HHAT: variants seen among roughly 807,000 people sequenced by gnomAD.
HHAT encodes the protein protein-cysteine N-palmitoyltransferase HHAT.
Under a neutral mutation model 70.8 loss-of-function variants are expected in HHAT, and 47 were observed. That is an observed-to-expected ratio of 0.66 (90% CI 0.53 to 0.85). HHAT has a LOEUF of 0.85. Among genes scored for constraint, HHAT ranks in the 40% least tolerant of loss-of-function variants. The pLI is 0.00. For synonymous variants in HHAT, 228 were observed against 247.6 expected, an observed-to-expected ratio of 0.92 and a Z score of 0.74; for missense variants, 609 against 604.8, an observed-to-expected ratio of 1.01 and a Z score of -0.07.
chr1:210,587,802 T>C, intron 9 of HHAT, 96 bp from the exon 10 acceptor site: 1 of 872,118 alleles, frequency 1.1e-6, no homozygotes, highest in Middle Eastern at 2.4e-4. Context: ...TCTGCATATG[T>C]GAACAGCAGT....
At chr1:210,431,334 G>C (rs2093236202) in intron 7 of HHAT, among the ~76,000 whole-genome samples, 1 of 151,738 alleles carries the variant, frequency 6.6e-6, no homozygotes, top group Admixed American at 6.6e-5. Context: ...GAAAAGCAAA[G>C]CCTAGGTCTT....
intron 7 of HHAT, among the ~76,000 whole-genome samples, chr1:210,424,921 C>T (rs1303481871): frequency 6.6e-6 from 1 of 152,118 alleles, no homozygotes; most frequent in East Asian, 1.9e-4. Flanking sequence ...CAGGAATTGC[C>T]ACACTGTCTT....
intron 9 of HHAT, among the ~76,000 whole-genome samples, chr1:210,543,350 CTT>C (rs74605164): frequency 7.5e-5 from 11 of 146,844 alleles, no homozygotes; most frequent in Admixed American, 3.4e-4. Flanking sequence ...GGGTGTTTTT[CTT>C]TTTTTTTTTC....
At chr1:210,607,211 A>G (rs572294839) in intron 10 of HHAT, among the ~76,000 whole-genome samples, 1 of 152,040 alleles carries the variant, frequency 6.6e-6, no homozygotes, top group East Asian at 1.9e-4. Context: ...TTTAGCATCT[A>G]GTATTTGGGT....
intron 8 of HHAT, among the ~76,000 whole-genome samples, chr1:210,472,672 T>C (rs1260281498): frequency 1.3e-5 from 2 of 152,188 alleles, no homozygotes; most frequent in African/African-American, 4.8e-5. Context: ...GAGCCAAATA[T>C]GAATGACCAA....
intron 8 of HHAT, among the ~76,000 whole-genome samples, chr1:210,466,974 A>C (rs1393643560): frequency 6.6e-6 from 1 of 152,210 alleles, no homozygotes; most frequent in African/African-American, 2.4e-5. Context: ...CTGAGGAGGA[A>C]GCTCTGGGGT....
intron 6 of HHAT, among the ~76,000 whole-genome samples, chr1:210,417,025 A>C (rs2092742221): frequency 6.6e-6 from 1 of 152,218 alleles, no homozygotes; most frequent in Non-Finnish European, 1.5e-5. Flanking sequence ...TTTTTAAAGA[A>C]GAAAATTCCT....
intron 2 of HHAT, among the ~76,000 whole-genome samples, chr1:210,362,354 C>G (rs1442675555): frequency 6.6e-6 from 1 of 151,844 alleles, no homozygotes; most frequent in Non-Finnish European, 1.5e-5. Context: ...AAGCAATTCT[C>G]CTGCCTCATT....
At chr1:210,434,642 C>T (rs527714313) in intron 7 of HHAT, among the ~76,000 whole-genome samples, 2 of 151,810 alleles carry the variant, frequency 1.3e-5, no homozygotes, top group African/African-American at 4.9e-5. Flanking sequence ...GGAGTGTCCA[C>T]ATCTCCTGGA....
chr1:210,584,738 C>T (rs1200198851), intron 9 of HHAT, among the ~76,000 whole-genome samples: 1 of 152,214 alleles, frequency 6.6e-6, no homozygotes, highest in Non-Finnish European at 1.5e-5. Context: ...ACTGTCTTCA[C>T]TCACACCCTT....
intron 8 of HHAT, among the ~76,000 whole-genome samples, chr1:210,476,629 C>A (rs1404299721): frequency 2.0e-5 from 3 of 152,174 alleles, no homozygotes; most frequent in Non-Finnish European, 4.4e-5. Context: ...TAATATCAGG[C>A]AAAATACCAC....
At chr1:210,374,743 G>A (rs11119476) in intron 3 of HHAT, among the ~76,000 whole-genome samples, 1 of 151,166 alleles carries the variant, frequency 6.6e-6, no homozygotes, top group Non-Finnish European at 1.5e-5. Context: ...TACCTCTACC[G>A]AGCTTCCCCA....
chr1:210,647,700 T>C (rs1001761432), intron 11 of HHAT, among the ~76,000 whole-genome samples: 4 of 152,196 alleles, frequency 2.6e-5, no homozygotes, highest in African/African-American at 9.7e-5. Flanking sequence ...AAGCCGAGGG[T>C]AAATGTGAAA....
At chr1:210,348,729 A>ATGTTTGCG (rs1553317670) in intron 1 of HHAT, among the ~76,000 whole-genome samples, 1 of 72,264 alleles carries the variant, frequency 1.4e-5, no homozygotes. Flanking sequence ...TGTGTGGTGT[A>ATGTTTGCG]TGTGTGCGTG....
intron 7 of HHAT, among the ~76,000 whole-genome samples, chr1:210,427,507 T>C (rs1248784621): frequency 1.3e-5 from 2 of 152,208 alleles, no homozygotes. Context: ...GTTGTATTTT[T>C]ATTCTGGTTA....
At chr1:210,393,054 A>T (rs2148166209) in intron 4 of HHAT, among the ~76,000 whole-genome samples, 1 of 152,218 alleles carries the variant, frequency 6.6e-6, no homozygotes, top group South Asian at 2.1e-4. Flanking sequence ...CAATCCCTGC[A>T]TTGGCCACTC....
In HHAT at chr1:210,428,286, CTATATATATA is replaced by C. The variant is rs66516721; in HGVS notation, c.856+10012_856+10021del. Reference sequence around the variant, plus strand: ...ATGTTTTCCCCCAAATGAGCTTATACTATATATATATATATATATATATATATATATATAT... The same window carrying C: ...ATGTTTTCCCCCAAATGAGCTTATACTATATATATATATATATATATATAT... On this transcript the variant is annotated intron_variant, in intron 7 of 11. Coordinates refer to ENST00000261458, the MANE Select transcript of HHAT (RefSeq NM_018194.6). 2.5e-3 allele frequency among the ~76,000 whole-genome samples: 250 copies of C among 101,190 alleles called. 1 individual carries two copies. Among genetic ancestry groups the C allele is most frequent in the Middle Eastern group, 5.6e-3 (1 of 178 alleles). 66.4% of individuals were successfully genotyped at this position (101,190 alleles called of 152,430 possible).
intron 11 of HHAT, among the ~76,000 whole-genome samples, chr1:210,628,124 A>G (rs2148884373): frequency 6.6e-6 from 1 of 152,284 alleles, no homozygotes; most frequent in South Asian, 2.1e-4. Context: ...ACCAGCTGTG[A>G]CCTAAGCATC....
At chr1:210,371,751 C>T (rs1020705320) in intron 3 of HHAT, among the ~76,000 whole-genome samples, 1 of 152,216 alleles carries the variant, frequency 6.6e-6, no homozygotes, top group East Asian at 1.9e-4. Context: ...GTAAACTCAC[C>T]AGAGTTTACA....
Sources: gnomAD v4.1 joint callset for allele counts (sites outside exome capture counted in the v4.1 genomes callset) on GRCh38, gnomAD v4.1.1 for gene constraint, MANE v1.5 for transcripts, NCBI Gene and HGNC (gene_info 2026-07-23, HGNC 2026-07-21) for gene names.